HPSE2: variants seen among roughly 807,000 people sequenced by gnomAD.
The protein encoded by HPSE2 is inactive heparanase-2.
In HPSE2, 38 loss-of-function variants were observed where a neutral mutation model predicts 60.5. That is an observed-to-expected ratio of 0.63 (90% CI 0.48 to 0.82). The LOEUF is 0.82. HPSE2 is among the 40% of genes least tolerant of loss of function. HPSE2 has a pLI of 0.00. For synonymous variants in HPSE2, 295 were observed against 293.2 expected, an observed-to-expected ratio of 1.01 and a Z score of -0.06; for missense variants, 713 against 740.4, an observed-to-expected ratio of 0.96 and a Z score of 0.43.
chr10:98,541,758 G>C (rs1943470734), intron 9 of HPSE2, among the ~76,000 whole-genome samples: 1 of 152,248 alleles, frequency 6.6e-6, no homozygotes, highest in Non-Finnish European at 1.5e-5. Flanking sequence ...TGGCAGCGAG[G>C]CTGGGGGAGG....
chr10:98,987,601 T>C (rs1956399801), intron 3 of HPSE2, among the ~76,000 whole-genome samples: 1 of 152,176 alleles, frequency 6.6e-6, no homozygotes, highest in Non-Finnish European at 1.5e-5. Context: ...GGATGCCCTC[T>C]CTCACCACTC....
chr10:99,138,783 C>G (rs970503645), intron 3 of HPSE2, among the ~76,000 whole-genome samples: 1 of 152,094 alleles, frequency 6.6e-6, no homozygotes, highest in African/African-American at 2.4e-5. Context: ...AGGAGAAATA[C>G]CTAATGTAGG....
At chr10:98,629,008 G>C (rs1946290480) in intron 7 of HPSE2, among the ~76,000 whole-genome samples, 1 of 152,030 alleles carries the variant, frequency 6.6e-6, no homozygotes, top group African/African-American at 2.4e-5. Context: ...TTGATATCCT[G>C]CCTCTAAAAC....
Position 99,090,322 on chromosome 10 carries a change from T to C in HPSE2, c.610+53916A>G, listed in dbSNP as rs375533583. Among the ~76,000 whole-genome samples, 3 of 152,254 alleles carry C rather than the reference T, an allele frequency of 2.0e-5. No individual in the cohort carries two copies. The East Asian group carries it at 5.8e-4, about 29-fold the overall frequency. On this transcript the variant is annotated intron_variant, in intron 3 of 11. Transcript: ENST00000370552. Reference sequence around the variant, plus strand: ...GCTTATTTTCTCTTCTCTTCTAAAATGGTCATTATTATATTCTGCAGTAAT... The same window carrying C: ...GCTTATTTTCTCTTCTCTTCTAAAACGGTCATTATTATATTCTGCAGTAAT...
intron 2 of HPSE2, among the ~76,000 whole-genome samples, chr10:99,177,461 G>A (rs374396789): frequency 7.2e-5 from 11 of 151,984 alleles, no homozygotes; most frequent in African/African-American, 2.4e-4. Context: ...AAAAAAGCAG[G>A]GGTTGCAATC....
At chr10:99,298,329 A>C in the HPSE2 span, among the ~76,000 whole-genome samples, 1 of 152,242 alleles carries the variant, frequency 6.6e-6, no homozygotes, top group Non-Finnish European at 1.5e-5. Context: ...CTTGCTATCA[A>C]TAGAAAGTGG....
At chr10:98,483,385 C>T (rs1941318142) in intron 10 of HPSE2, among the ~76,000 whole-genome samples, 2 of 152,188 alleles carry the variant, frequency 1.3e-5, no homozygotes, top group African/African-American at 4.8e-5. Context: ...CATTACTTAA[C>T]TAATCCCCTA....
intron 4 of HPSE2, among the ~76,000 whole-genome samples, chr10:98,730,249 CA>C (rs1461773326): frequency 1.3e-5 from 2 of 151,512 alleles, no homozygotes; most frequent in Non-Finnish European, 2.9e-5. Flanking sequence ...AAGAAGAAAT[CA>C]CAAGGAAATA....
intron 6 of HPSE2, among the ~76,000 whole-genome samples, chr10:98,674,849 G>T (rs912372142): frequency 3.3e-5 from 5 of 152,224 alleles, no homozygotes; most frequent in South Asian, 4.1e-4. Context: ...TTGAACCTGG[G>T]AAGTGGAGGC....
intron 4 of HPSE2, among the ~76,000 whole-genome samples, chr10:98,723,381 GA>G (rs1948979939): frequency 8.3e-6 from 1 of 120,670 alleles, no homozygotes; most frequent in African/African-American, 2.6e-5. Flanking sequence ...TCTTATTGAG[GA>G]TTTTTGCATC....
intron 3 of HPSE2, among the ~76,000 whole-genome samples, chr10:98,930,713 G>T (rs1447181825): frequency 7.0e-6 from 1 of 142,778 alleles, no homozygotes; most frequent in East Asian, 2.0e-4. Flanking sequence ...CTGTGGTTTT[G>T]ATTTCTCTGT....
chr10:98,743,759 G>C, intron 4 of HPSE2, 124 bp downstream of exon 4: 1 of 865,228 alleles, frequency 1.2e-6, no homozygotes, highest in African/African-American at 1.7e-5. Context: ...CAACTCAGTG[G>C]CCAAACATCA....
At chr10:98,954,313 A>G (rs1293151604) in intron 3 of HPSE2, among the ~76,000 whole-genome samples, 1 of 152,142 alleles carries the variant, frequency 6.6e-6, no homozygotes, top group Non-Finnish European at 1.5e-5. Flanking sequence ...TCTCAAAAAA[A>G]AGAAACAAAG....
intron 9 of HPSE2, among the ~76,000 whole-genome samples, chr10:98,508,949 C>T (rs531452328): frequency 1.1e-4 from 17 of 152,150 alleles, no homozygotes; most frequent in Non-Finnish European, 1.6e-4. Context: ...GGAGAGAAAA[C>T]GGCATTATTC....
At chr10:99,228,155 G>A (rs977178255) in intron 2 of HPSE2, among the ~76,000 whole-genome samples, 2 of 151,962 alleles carry the variant, frequency 1.3e-5, no homozygotes, top group African/African-American at 2.4e-5. Flanking sequence ...ACAAAGGTAC[G>A]GGGTTGAGAT....
rs549898499 is a variant in HPSE2 at position 99,184,392 on chromosome 10, G to A, written c.449-39993C>T. On this transcript the variant is annotated intron_variant, in intron 2 of 11. Transcript: ENST00000370552. ...ACATAAAAATTAGCCAGGCTTGGTG[G>A]TGCATGCCTATGGGCCCAGCTATTC... Among the ~76,000 whole-genome samples, 144 of 151,944 alleles carry A rather than the reference G, an allele frequency of 9.5e-4. 1 individual carries two copies. The highest frequency in any genetic ancestry group is 4.6e-4 in the Non-Finnish European group (31 of 67,972).
At chr10:99,116,120 A>G (rs1844679555) in intron 3 of HPSE2, among the ~76,000 whole-genome samples, 1 of 152,150 alleles carries the variant, frequency 6.6e-6, no homozygotes. Flanking sequence ...CCCAAGACAC[A>G]TTTTCAGACC....
chr10:99,022,508 C>T (rs1412338026), intron 3 of HPSE2, among the ~76,000 whole-genome samples: 2 of 152,156 alleles, frequency 1.3e-5, no homozygotes, highest in African/African-American at 4.8e-5. Flanking sequence ...TACTGAGACA[C>T]AAGCTGGAGA....
chr10:98,848,777 C>T (rs1952094964), intron 3 of HPSE2, among the ~76,000 whole-genome samples: 1 of 152,146 alleles, frequency 6.6e-6, no homozygotes, highest in African/African-American at 2.4e-5. Flanking sequence ...CTAAACTCAA[C>T]CACGATGAAA....
Sources: gnomAD v4.1 joint callset for allele counts (sites outside exome capture counted in the v4.1 genomes callset) on GRCh38, gnomAD v4.1.1 for gene constraint, MANE v1.5 for transcripts, NCBI Gene and HGNC (gene_info 2026-07-23, HGNC 2026-07-21) for gene names.